Variants in C3orf33 observed in about 807,000 individuals in gnomAD.
C3orf33 encodes the protein AP-1 activity suppressor.
C3orf33 carries 23 observed loss-of-function variants against 28.7 expected under a neutral mutation model. The ratio of observed to expected loss-of-function variants is 0.80; its 90% CI spans 0.58 to 1.13. C3orf33 has a LOEUF of 1.13. Among genes scored for constraint, C3orf33 ranks in the 50% most tolerant of loss-of-function variants. C3orf33 has a pLI of 0.00. For missense variants in C3orf33, 327 were observed against 353.4 expected (o/e 0.93, Z 0.60); for synonymous variants, 119 against 120.5 (o/e 0.99, Z 0.08).
chr3:155,762,793 C>T lies in C3orf33; in HGVS notation c.*724G>A, dbSNP rs921643282. On this transcript the variant is annotated 3_prime_UTR_variant, in exon 5 of 5. Transcript: ENST00000340171. ...CTCAGGCAGGAGAATCACTTGAATC[C>T]AGGAGGCGGAGGTTGCAGTGAACCA... 1 of 152,106 alleles carries T rather than the reference C, an allele frequency of 6.6e-6. No individual in the cohort carries two copies. Among genetic ancestry groups the T allele is most frequent in the Admixed American group, 6.6e-5 (1 of 15,260 alleles). 9.4% of individuals were successfully genotyped at this position (152,106 alleles called of 1,614,324 possible).
intron 3 of C3orf33, among the ~76,000 whole-genome samples, chr3:155,772,576 CTTTT>C (rs371722784): frequency 1.2e-4 from 17 of 141,908 alleles, no homozygotes; most frequent in African/African-American, 2.5e-4. Context: ...GTGTCAAAAA[CTTTT>C]TTTTTTTTTT....
chr3:155,784,516 G>A (rs947487004), intron 2 of C3orf33, among the ~76,000 whole-genome samples: 35 of 151,974 alleles, frequency 2.3e-4, no homozygotes, highest in Non-Finnish European at 1.0e-4. Flanking sequence ...AAGGCAGGTG[G>A]ATCACTTGAG....
intron 2 of C3orf33, among the ~76,000 whole-genome samples, chr3:155,780,801 C>A (rs1435288589): frequency 6.6e-6 from 1 of 152,138 alleles, no homozygotes; most frequent in Non-Finnish European, 1.5e-5. Flanking sequence ...CTGGGAAAAA[C>A]GCTTTCCTGA....
At chr3:155,770,690 T>C (rs1336694106) in intron 3 of C3orf33, among the ~76,000 whole-genome samples, 1 of 152,170 alleles carries the variant, frequency 6.6e-6, no homozygotes, top group East Asian at 1.9e-4. Context: ...CTTTTTGAGA[T>C]GCAGTTTCTT....
intron 2 of C3orf33, among the ~76,000 whole-genome samples, chr3:155,795,411 G>A (rs550306343): frequency 5.3e-5 from 8 of 151,798 alleles, no homozygotes; most frequent in South Asian, 2.1e-4. Context: ...AGCCGAGAGC[G>A]TGCCACTGCA....
chr3:155,803,514 G>A (rs1490612879), intron 1 of C3orf33, among the ~76,000 whole-genome samples: 8 of 136,420 alleles, frequency 5.9e-5, no homozygotes, highest in African/African-American at 1.6e-4. Flanking sequence ...GCAGTGAGCC[G>A]AGATCGTGCC....
chr3:155,781,713 G>A (rs1750928835), intron 2 of C3orf33, among the ~76,000 whole-genome samples: 1 of 142,480 alleles, frequency 7.0e-6, no homozygotes. Context: ...AGTTTGCAGT[G>A]AGCCAAAATC....
chr3:155,803,797 G>A lies in C3orf33; in HGVS notation c.115-1206C>T, dbSNP rs143849267. On this transcript the variant is annotated intron_variant, in intron 1 of 4. Coordinates refer to ENST00000340171, the MANE Select transcript of C3orf33 (RefSeq NM_001308229.2). ...CTCAGGAGGCTGAGGCACGAGAATC[G>A]CTAGAACCCAGGAGGTGGAGGTTGC... is the stretch of plus-strand genomic sequence containing the variant. 4.3e-3 allele frequency among the ~76,000 whole-genome samples: 658 copies of A among 151,566 alleles called. 5 individuals are homozygous for A. The highest frequency in any genetic ancestry group is 0.015 in the African/African-American group (635 of 41,276).
At position 155,763,215 on chromosome 3, in the gene C3orf33, A is replaced by G. The variant is rs113796749; in HGVS notation, c.*302T>C. 0.016 allele frequency: 3,127 copies of G among 197,260 alleles called. 94 individuals carry two copies. Among genetic ancestry groups the G allele is most frequent in the African/African-American group, 0.067 (2,928 of 43,444 alleles). The allele number at this position is 197,260 out of a possible 1,614,324, so 12.2% of individuals were successfully genotyped here. On this transcript the variant is annotated 3_prime_UTR_variant, in exon 5 of 5. Coordinates refer to ENST00000340171, the MANE Select transcript of C3orf33 (RefSeq NM_001308229.2). ...TGGCAGCCCAAAATAACTAAAAACA[A>G]CATAGTGGGTGAAGAGTTAAACTTT...
At chr3:155,784,760 A>G (rs1197150178) in intron 2 of C3orf33, among the ~76,000 whole-genome samples, 1 of 151,074 alleles carries the variant, frequency 6.6e-6, no homozygotes, top group African/African-American at 2.4e-5. Flanking sequence ...AATTAATTAA[A>G]TAAATAAAAT....
chr3:155,767,685 A>C lies in C3orf33; in HGVS notation c.323-16T>G, dbSNP rs775815811. ...CGTGGCTCTTCTAAAAAGGTTAGGT[A>C]GAAAAGAGTTTAGCTTTAACAGCAT... On this transcript the variant is annotated splice_polypyrimidine_tract_variant and intron_variant, in intron 3 of 4. Coordinates refer to ENST00000340171, the MANE Select transcript of C3orf33 (RefSeq NM_001308229.2). 1 of 1,483,512 alleles carries C rather than the reference A, an allele frequency of 6.7e-7. No homozygotes were observed. 91.9% of individuals were successfully genotyped at this position (1,483,512 alleles called of 1,614,324 possible).
intron 3 of C3orf33, among the ~76,000 whole-genome samples, chr3:155,775,350 G>A (rs1440863556): frequency 1.3e-5 from 2 of 152,056 alleles, no homozygotes; most frequent in South Asian, 2.1e-4. Context: ...TTAGCTGGGC[G>A]TGGTGGTGCA....
chr3:155,786,704 G>A (rs1314472623), intron 2 of C3orf33, among the ~76,000 whole-genome samples: 4 of 152,106 alleles, frequency 2.6e-5, no homozygotes, highest in African/African-American at 7.2e-5. Context: ...GGTGGCAGGT[G>A]CCTGTAATCC....
intron 2 of C3orf33, among the ~76,000 whole-genome samples, chr3:155,786,880 T>C (rs1751133988): frequency 6.6e-6 from 1 of 152,064 alleles, no homozygotes; most frequent in Non-Finnish European, 1.5e-5. Flanking sequence ...ATGAAGAAAG[T>C]AAAAATCCAA....
At chr3:155,797,211 A>G (rs916955148) in intron 2 of C3orf33, among the ~76,000 whole-genome samples, 2 of 152,136 alleles carry the variant, frequency 1.3e-5, no homozygotes, top group African/African-American at 4.8e-5. Flanking sequence ...CCATACAAAC[A>G]TGAACATTTC....
In C3orf33 at chr3:155,775,815, C is replaced by T. The variant is rs754193725; in HGVS notation, c.208G>A (p.Val70Ile). The change falls in exon 3 of 5, where the codon GTA becomes ATA. Residue 70 changes from valine (V) to isoleucine (I), a missense_variant. Coordinates refer to ENST00000340171, the MANE Select transcript of C3orf33 (RefSeq NM_001308229.2). ...SKFTSSSDIP[V>I]EFIRRNVKLR... ...TTAACATTTCTTCTTATAAATTCTACTGGAATATCCGAAGAGCTTGTAAAT... is the reference window on the plus strand; with the variant it reads ...TTAACATTTCTTCTTATAAATTCTATTGGAATATCCGAAGAGCTTGTAAAT... 1.9e-6 allele frequency: 3 copies of T among 1,595,512 alleles called. No homozygotes were observed. The highest frequency in any genetic ancestry group is 1.1e-5 in the South Asian group (1 of 89,310).
intron 2 of C3orf33, among the ~76,000 whole-genome samples, chr3:155,792,102 C>G (rs1395641586): frequency 6.6e-6 from 1 of 152,158 alleles, no homozygotes; most frequent in East Asian, 1.9e-4. Flanking sequence ...TGTCACCCCT[C>G]CTCCAGCTCC....
intron 2 of C3orf33, 99 bp from the exon 3 acceptor site, chr3:155,775,947 C>T (rs1750734686): frequency 1.2e-6 from 1 of 842,338 alleles, no homozygotes; most frequent in South Asian, 1.8e-5. Flanking sequence ...GAGTACATAA[C>T]CATGAACATT....
At position 155,770,962 on chromosome 3, in the gene C3orf33, CTGTGTGTG is replaced by C. The variant is rs3068982; in HGVS notation, c.323-3301_323-3294del. On this transcript the variant is annotated intron_variant, in intron 3 of 4. Transcript: ENST00000340171. ...GTGCTGGGATTACAGGCATGAACCACTGTGTGTGTGTGTGTGTGTGTGTGTGTGTGTTG... is the reference window on the plus strand; with the variant it reads ...GTGCTGGGATTACAGGCATGAACCACTGTGTGTGTGTGTGTGTGTGTGTTG... 1.0e-3 allele frequency among the ~76,000 whole-genome samples: 136 copies of C among 129,994 alleles called. 1 individual carries two copies. Among genetic ancestry groups the C allele is most frequent in the African/African-American group, 3.7e-3 (125 of 33,394 alleles). 85.3% of individuals were successfully genotyped at this position (129,994 alleles called of 152,430 possible).
Sources: gnomAD v4.1 joint callset for allele counts (sites outside exome capture counted in the v4.1 genomes callset) on GRCh38, gnomAD v4.1.1 for gene constraint, MANE v1.5 for transcripts, NCBI Gene and HGNC (gene_info 2026-07-23, HGNC 2026-07-21) for gene names.